Variants in LRMDA observed in about 807,000 individuals in gnomAD.
LRMDA encodes the protein leucine-rich melanocyte differentiation-associated protein.
A neutral mutation model predicts 29.8 loss-of-function variants in LRMDA; 18 were observed. The observed-to-expected ratio is 0.60, with a 90% CI of 0.42 to 0.90. The LOEUF is 0.90. Among genes scored for constraint, LRMDA ranks in the 40% least tolerant of loss-of-function variants. LRMDA has a pLI of 0.00. For synonymous variants in LRMDA, 125 were observed against 109.4 expected, an observed-to-expected ratio of 1.14 and a Z score of -0.89; for missense variants, 273 against 273.9, an observed-to-expected ratio of 1.00 and a Z score of 0.02.
chr10:76,038,936 A>G (rs1848297117), intron 3 of LRMDA, among the ~76,000 whole-genome samples: 1 of 152,178 alleles, frequency 6.6e-6, no homozygotes, highest in African/African-American at 2.4e-5. Flanking sequence ...AGCCACATCT[A>G]CCTGGAGGCT....
chr10:75,547,447 G>A (rs575249364), intron 2 of LRMDA, among the ~76,000 whole-genome samples: 35 of 152,268 alleles, frequency 2.3e-4, no homozygotes, highest in East Asian at 1.2e-3. Flanking sequence ...TCTTTCCTTC[G>A]TCTGCTGAAT....
intron 2 of LRMDA, among the ~76,000 whole-genome samples, chr10:75,826,960 T>G (rs976223584): frequency 2.6e-5 from 4 of 152,192 alleles, no homozygotes; most frequent in African/African-American, 9.7e-5. Flanking sequence ...AAATTACTTT[T>G]TTTGTGTTTC....
At chr10:75,862,212 G>T (rs61862117) in intron 2 of LRMDA, among the ~76,000 whole-genome samples, 1 of 96,816 alleles carries the variant, frequency 1.0e-5, no homozygotes, top group African/African-American at 3.6e-5. Flanking sequence ...ACACACACAC[G>T]CACTTAAGTC....
Position 76,192,325 on chromosome 10 carries a change from T to G in LRMDA, c.517-132076T>G, listed in dbSNP as rs1045667384. The stretch of plus-strand genomic sequence containing the variant: ...AGTTCCATGGTGATTTTGGTGCAGA[T>G]TGTCCCAACTGTCCAGTTCTTTATT... On this transcript the variant is annotated intron_variant, in intron 5 of 6. Coordinates refer to ENST00000611255, the MANE Select transcript of LRMDA (RefSeq NM_001305581.2). 3.3e-5 allele frequency among the ~76,000 whole-genome samples: 5 copies of G among 152,188 alleles called. No homozygotes were observed. In the South Asian group the frequency reaches 8.3e-4, roughly 25 times the overall value.
chr10:75,494,199 A>C (rs768861418), intron 2 of LRMDA, among the ~76,000 whole-genome samples: 61 of 152,210 alleles, frequency 4.0e-4, no homozygotes, highest in Admixed American at 9.8e-4. Context: ...TGCTCTGAAC[A>C]GGTGAATTTG....
intron 2 of LRMDA, among the ~76,000 whole-genome samples, chr10:75,702,163 C>G (rs118115342): frequency 2.0e-5 from 3 of 152,140 alleles, no homozygotes; most frequent in African/African-American, 7.2e-5. Context: ...GCTTTCCTTG[C>G]GATGTGCTCC....
At chr10:76,476,618 T>C (rs1414923252) in intron 6 of LRMDA, among the ~76,000 whole-genome samples, 1 of 152,122 alleles carries the variant, frequency 6.6e-6, no homozygotes, top group Non-Finnish European at 1.5e-5. Context: ...TTTAGACCAA[T>C]ATCCCTGATA....
chr10:75,831,107 G>A (rs530007393), intron 2 of LRMDA, among the ~76,000 whole-genome samples: 5 of 151,914 alleles, frequency 3.3e-5, no homozygotes, highest in African/African-American at 7.2e-5. Flanking sequence ...GTGCAGTGGC[G>A]TGATCTCGGC....
chr10:76,339,271 C>CAAAA (rs201555311), intron 6 of LRMDA, among the ~76,000 whole-genome samples: 1 of 116,362 alleles, frequency 8.6e-6, no homozygotes, highest in Non-Finnish European at 1.7e-5. Flanking sequence ...CCCCTCCTTC[C>CAAAA]AAAAAAAAAA....
intron 6 of LRMDA, among the ~76,000 whole-genome samples, chr10:76,547,494 C>T (rs1488339355): frequency 2.0e-5 from 3 of 151,872 alleles, no homozygotes; most frequent in African/African-American, 4.8e-5. Flanking sequence ...TAGTTGCCGC[C>T]ATTTATTTAT....
chr10:75,919,463 C>T (rs993887310), intron 2 of LRMDA, among the ~76,000 whole-genome samples: 4 of 151,998 alleles, frequency 2.6e-5, no homozygotes, highest in Admixed American at 6.5e-5. Context: ...TCCTGTGCAC[C>T]GCCACTCGTT....
intron 5 of LRMDA, among the ~76,000 whole-genome samples, chr10:76,151,970 G>T (rs989427099): frequency 4.6e-5 from 7 of 152,076 alleles, no homozygotes; most frequent in East Asian, 3.8e-4. Context: ...AATAAAGAAA[G>T]CCCACATTAC....
chr10:75,541,881 C>T (rs974882258), intron 2 of LRMDA, among the ~76,000 whole-genome samples: 1 of 152,054 alleles, frequency 6.6e-6, no homozygotes, highest in African/African-American at 2.4e-5. Flanking sequence ...CATGTCTCTC[C>T]CCACCTCTCT....
At chr10:76,317,654 A>T (rs775006719) in intron 5 of LRMDA, among the ~76,000 whole-genome samples, 13 of 152,108 alleles carry the variant, frequency 8.5e-5, no homozygotes, top group Non-Finnish European at 1.9e-4. Context: ...GCTCACTGCA[A>T]CCTCTGCCTC....
At position 75,752,079 on chromosome 10, in the gene LRMDA, T is replaced by C. The variant is rs9787579; in HGVS notation, c.132-283929T>C. Among the ~76,000 whole-genome samples the C allele has an allele frequency of 0.024, 3,605 of 151,210 alleles. 203 individuals carry two copies. The East Asian group carries it at 0.24, about 10-fold the overall frequency. On this transcript the variant is annotated intron_variant, in intron 2 of 6. Coordinates refer to ENST00000611255, the MANE Select transcript of LRMDA (RefSeq NM_001305581.2). ...CAAAGATTGGGACTGAGGCTCAGAGTAGCTGATAAGGAGTAGTTATTTGGC... is the reference window on the plus strand; with the variant it reads ...CAAAGATTGGGACTGAGGCTCAGAGCAGCTGATAAGGAGTAGTTATTTGGC...
intron 6 of LRMDA, among the ~76,000 whole-genome samples, chr10:76,526,976 TAAAA>T (rs1377524834): frequency 1.3e-4 from 9 of 71,534 alleles, no homozygotes; most frequent in Non-Finnish European, 2.5e-4. Flanking sequence ...TAAAGTATAA[TAAAA>T]TAAATAAATA....
intron 2 of LRMDA, among the ~76,000 whole-genome samples, chr10:75,652,672 A>G (rs1314082653): frequency 2.0e-5 from 3 of 151,986 alleles, no homozygotes; most frequent in Non-Finnish European, 4.4e-5. Flanking sequence ...AGTTCCTTTG[A>G]GGGAGTCAGT....
chr10:76,448,669 C>T (rs1842376660), intron 6 of LRMDA, among the ~76,000 whole-genome samples: 1 of 151,796 alleles, frequency 6.6e-6, no homozygotes, highest in African/African-American at 2.4e-5. Context: ...CTCTAGATTC[C>T]TCTCCTTTTC....
At chr10:75,652,991 T>C (rs915344814) in intron 2 of LRMDA, among the ~76,000 whole-genome samples, 2 of 152,232 alleles carry the variant, frequency 1.3e-5, no homozygotes, top group African/African-American at 4.8e-5. Context: ...CTCTCTCTGC[T>C]TGGGCAAGTT....
Sources: gnomAD v4.1 joint callset for allele counts (sites outside exome capture counted in the v4.1 genomes callset) on GRCh38, gnomAD v4.1.1 for gene constraint, MANE v1.5 for transcripts, NCBI Gene and HGNC (gene_info 2026-07-23, HGNC 2026-07-21) for gene names.